BICC1: variants seen among roughly 807,000 people sequenced by gnomAD.
BICC1 encodes BicC family RNA binding protein 1, also known as protein bicaudal C homolog 1.
A neutral mutation model predicts 111.0 loss-of-function variants in BICC1; 43 were observed. The ratio of observed to expected loss-of-function variants is 0.39; its 90% confidence interval spans 0.30 to 0.50. The LOEUF is 0.50. BICC1 is among the 20% of genes least tolerant of loss of function. BICC1 has a pLI of 0.88. For missense variants in BICC1, 1,091 were observed against 1,203.2 expected (o/e 0.91, Z 1.38); for synonymous variants, 467 against 434.4 (o/e 1.07, Z -0.93).
intron 3 of BICC1, among the ~76,000 whole-genome samples, chr10:58,731,862 C>T (rs1841309752): frequency 6.6e-6 from 1 of 152,226 alleles, no homozygotes. Flanking sequence ...CTGAATGATC[C>T]AATCACCTCC....
intron 8 of BICC1, among the ~76,000 whole-genome samples, chr10:58,792,669 G>A (rs908237600): frequency 2.6e-5 from 4 of 152,154 alleles, no homozygotes; most frequent in African/African-American, 9.7e-5. Context: ...ATCTGTCACT[G>A]TCTCCCATCA....
At chr10:58,553,863 A>G (rs1174194405) in intron 1 of BICC1, among the ~76,000 whole-genome samples, 1 of 151,846 alleles carries the variant, frequency 6.6e-6, no homozygotes, top group African/African-American at 2.4e-5. Flanking sequence ...TGTAAAAAAA[A>G]CCAGTCTACT....
chr10:58,544,783 A>G (rs939141810), intron 1 of BICC1, among the ~76,000 whole-genome samples: 1 of 152,138 alleles, frequency 6.6e-6, no homozygotes, highest in Non-Finnish European at 1.5e-5. Flanking sequence ...CCTTTCCCCC[A>G]AAATCAGATG....
chr10:58,820,806 G>A (rs1001388390), intron 20 of BICC1, among the ~76,000 whole-genome samples: 1 of 152,084 alleles, frequency 6.6e-6, no homozygotes, highest in Non-Finnish European at 1.5e-5. Context: ...CATTACATTA[G>A]TGAATAATTA....
chr10:58,698,245 G>C (rs569062003), intron 2 of BICC1, among the ~76,000 whole-genome samples: 1 of 152,128 alleles, frequency 6.6e-6, no homozygotes, highest in African/African-American at 2.4e-5. Context: ...GTGCACAGCC[G>C]TAGGACAGTG....
chr10:58,608,144 A>G (rs890226260), intron 1 of BICC1, among the ~76,000 whole-genome samples: 1 of 152,162 alleles, frequency 6.6e-6, no homozygotes, highest in African/African-American at 2.4e-5. Flanking sequence ...GGCCCTGAAC[A>G]CTAAATGTCT....
chr10:58,764,966 T>A (rs1452525710), intron 3 of BICC1, among the ~76,000 whole-genome samples: 2 of 152,216 alleles, frequency 1.3e-5, no homozygotes, highest in African/African-American at 4.8e-5. Context: ...AAGAAAGTTT[T>A]CTTTTCCTCT....
At chr10:58,614,636 A>G (rs1185197689) in intron 1 of BICC1, among the ~76,000 whole-genome samples, 4 of 152,076 alleles carry the variant, frequency 2.6e-5, no homozygotes, top group African/African-American at 9.7e-5. Context: ...TAACTTAGGA[A>G]ATCTTTCCCT....
intron 2 of BICC1, among the ~76,000 whole-genome samples, chr10:58,695,675 TTAG>T (rs968983196): frequency 1.3e-5 from 2 of 152,202 alleles, no homozygotes; most frequent in African/African-American, 4.8e-5. Flanking sequence ...AATAAGCATG[TTAG>T]TAGAATATTG....
chr10:58,607,949 C>T (rs372651280), intron 1 of BICC1, among the ~76,000 whole-genome samples: 2 of 152,282 alleles, frequency 1.3e-5, no homozygotes, highest in African/African-American at 4.8e-5. Context: ...GCTGTCCTTC[C>T]TGGTTTTCAT....
intron 1 of BICC1, among the ~76,000 whole-genome samples, chr10:58,559,088 G>A (rs933150081): frequency 1.5e-5 from 2 of 136,860 alleles, no homozygotes; most frequent in Non-Finnish European, 3.3e-5. Context: ...ACTTCATGAT[G>A]TGTTTTAATT....
chr10:58,792,257 GA>G (rs149636397), intron 8 of BICC1, among the ~76,000 whole-genome samples: 4,239 of 139,292 alleles, frequency 0.03, 151 homozygotes, highest in African/African-American at 0.091. Context: ...GAGCATTAGA[GA>G]AAAAAAAAAA....
At chr10:58,614,454 A>C (rs1845536913) in intron 1 of BICC1, among the ~76,000 whole-genome samples, 1 of 152,234 alleles carries the variant, frequency 6.6e-6, no homozygotes, top group Non-Finnish European at 1.5e-5. Flanking sequence ...GCACACAAAC[A>C]CTTGGAATAA....
chr10:58,550,515 A>C (rs897349834), intron 1 of BICC1, among the ~76,000 whole-genome samples: 3 of 152,186 alleles, frequency 2.0e-5, no homozygotes, highest in Admixed American at 2.0e-4. Context: ...ACTAAACCCA[A>C]GGTCATGTAG....
intron 1 of BICC1, among the ~76,000 whole-genome samples, chr10:58,602,128 T>A (rs1845060674): frequency 6.6e-6 from 1 of 152,108 alleles, no homozygotes; most frequent in Non-Finnish European, 1.5e-5. Flanking sequence ...AGTTTAAGCT[T>A]TCCAAAGTAA....
intron 3 of BICC1, among the ~76,000 whole-genome samples, chr10:58,735,924 C>G (rs910565177): frequency 1.3e-5 from 2 of 152,196 alleles, no homozygotes; most frequent in Non-Finnish European, 2.9e-5. Context: ...CTTCAGTGTT[C>G]CCATCTCACA....
chr10:58,621,458 C>T (rs560979700), intron 2 of BICC1, among the ~76,000 whole-genome samples: 4 of 152,230 alleles, frequency 2.6e-5, no homozygotes, highest in Admixed American at 1.3e-4. Context: ...ACTGAATACC[C>T]GAGCATTTCT....
chr10:58,665,927 T>A (rs1050593848), intron 2 of BICC1, among the ~76,000 whole-genome samples: 1 of 152,216 alleles, frequency 6.6e-6, no homozygotes, highest in African/African-American at 2.4e-5. Context: ...TGTTTAAACA[T>A]GTATAGTCGG....
rs138398480 is a variant in BICC1, at chr10:58,813,909, G to A, written c.2456G>A (p.Arg819Gln). 237 of 1,614,064 alleles carry A rather than the reference G, an allele frequency of 1.5e-4. No individual in the cohort carries two copies. In the African/African-American group the frequency reaches 2.3e-3, roughly 16 times the overall value. Residue 819 changes from arginine (R) to glutamine (Q), a missense_variant, in exon 18 of 21, where the codon CGA becomes CAA. Physicochemically the swap from Arg to Gln is conservative, Grantham distance 43 (BLOSUM62 1). Around this residue, in one of 3 missense-constraint regions of BICC1, gnomAD observed 231 missense variants for 256.2 expected, o/e 0.90. Transcript: ENST00000373886. ...GGSESDNWRDRNGIGPGSHSE... is the reference protein window; with the variant it reads ...GGSESDNWRDQNGIGPGSHSE... Reference sequence around the variant, plus strand: ...AGCGAATCTGATAACTGGAGAGACCGAAATGGAATTGGACCTGGAAGTCAT... The same window carrying A: ...AGCGAATCTGATAACTGGAGAGACCAAAATGGAATTGGACCTGGAAGTCAT...
Sources: gnomAD v4.1 joint callset for allele counts (sites outside exome capture counted in the v4.1 genomes callset) on GRCh38, gnomAD v4.1.1 for gene constraint, gnomAD v4.1.1 regional missense constraint, MANE v1.5 for transcripts, NCBI Gene and HGNC (gene_info 2026-07-23, HGNC 2026-07-21) for gene names.